PIGU: variants seen among roughly 807,000 people sequenced by gnomAD.
PIGU encodes the protein phosphatidylinositol glycan anchor biosynthesis class U, also known as GPI-anchor transamidase component PIGU.
Under a neutral mutation model 49.9 loss-of-function variants are expected in PIGU, and 24 were observed. The observed-to-expected ratio is 0.48, with a 90% CI of 0.35 to 0.68. The LOEUF is 0.68. Among genes scored for constraint, PIGU ranks in the 30% least tolerant of loss-of-function variants. The probability of loss-of-function intolerance (pLI) is 0.01; values close to 1 mark genes in which losing one functional copy is unlikely to be tolerated. For missense variants in PIGU, 490 were observed against 532.6 expected (o/e 0.92, Z 0.79); for synonymous variants, 220 against 205.7 (o/e 1.07, Z -0.59).
intron 4 of PIGU, among the ~76,000 whole-genome samples, chr20:34,640,376 A>C (rs1266853729): frequency 6.6e-6 from 1 of 152,178 alleles, no homozygotes; most frequent in Non-Finnish European, 1.5e-5. Flanking sequence ...TCATAGGCCC[A>C]ATATCAGCTC....
At chr20:34,573,416 G>A (rs892192516) in intron 11 of PIGU, among the ~76,000 whole-genome samples, 1 of 152,110 alleles carries the variant, frequency 6.6e-6, no homozygotes, top group Non-Finnish European at 1.5e-5. Flanking sequence ...ACAACCCCCT[G>A]TGCTGCTTTA....
intron 2 of PIGU, among the ~76,000 whole-genome samples, chr20:34,646,609 A>G (rs1224447691): frequency 6.6e-6 from 1 of 151,776 alleles, no homozygotes; most frequent in South Asian, 2.1e-4. Flanking sequence ...GGGTTTCACC[A>G]TGTTGGCCAG....
At chr20:34,652,127 G>C (rs1420936051) in intron 2 of PIGU, among the ~76,000 whole-genome samples, 4 of 152,134 alleles carry the variant, frequency 2.6e-5, no homozygotes, top group Admixed American at 2.6e-4. Context: ...AGCCTCCTGA[G>C]TAACTACAAC....
At chr20:34,637,734 C>T in intron 5 of PIGU, 142 bp downstream of exon 5, 1 of 1,468,390 alleles carries the variant, frequency 6.8e-7, no homozygotes, top group Non-Finnish European at 9.0e-7. Flanking sequence ...ACAACAGAGC[C>T]CAGTTGTGCA....
At chr20:34,585,280 G>A (rs960009337) in intron 9 of PIGU, among the ~76,000 whole-genome samples, 157 bp downstream of exon 9, 15 of 152,246 alleles carry the variant, frequency 9.9e-5, no homozygotes, top group African/African-American at 1.7e-4. Flanking sequence ...CTGCTATGGC[G>A]CTGGCAACTG....
chr20:34,627,441 G>A (rs2146752357), intron 6 of PIGU, among the ~76,000 whole-genome samples: 1 of 151,662 alleles, frequency 6.6e-6, no homozygotes, highest in Non-Finnish European at 1.5e-5. Flanking sequence ...AGTCTGGAGT[G>A]ATATAAAATT....
chr20:34,590,223 C>T (rs1983899985), intron 7 of PIGU, among the ~76,000 whole-genome samples: 1 of 151,944 alleles, frequency 6.6e-6, no homozygotes, highest in Non-Finnish European at 1.5e-5. Context: ...TTAAACAAAT[C>T]ACAATCAATT....
rs59998699 is a variant in PIGU at position 34,650,700 on chromosome 20, C to CTTTTTTTTTTTTTTTTTTT, written c.196-5385_196-5367dup. Among the ~76,000 whole-genome samples, 82 of 38,796 alleles carry CTTTTTTTTTTTTTTTTTTT rather than the reference C, an allele frequency of 2.1e-3. 22 individuals are homozygous for CTTTTTTTTTTTTTTTTTTT. The highest frequency in any genetic ancestry group is 2.2e-3 in the South Asian group (2 of 904). 25.5% of individuals were successfully genotyped at this position (38,796 alleles called of 152,430 possible). A position where few individuals can be genotyped will look rare whatever the true frequency, so the allele number is the denominator to read the frequency against. On this transcript the variant is annotated intron_variant, in intron 2 of 11. Coordinates refer to ENST00000217446, the MANE Select transcript of PIGU (RefSeq NM_080476.5). ...AATTTTTTTCCTTTTCTTTTTTTCT[C>CTTTTTTTTTTTTTTTTTTT]TTTTTTTTTTTTTTTTTTTTTTTTT...
intron 1 of PIGU, among the ~76,000 whole-genome samples, chr20:34,674,935 C>A (rs1987447104): frequency 8.5e-6 from 1 of 118,042 alleles, no homozygotes; most frequent in Non-Finnish European, 1.7e-5. Flanking sequence ...GAGTGAGACC[C>A]TGTCTCTTGA....
At chr20:34,647,186 G>A (rs180737204) in intron 2 of PIGU, among the ~76,000 whole-genome samples, 5 of 152,134 alleles carry the variant, frequency 3.3e-5, no homozygotes, top group African/African-American at 1.2e-4. Context: ...GGTCAGGCTA[G>A]TCTTGAACTC....
chr20:34,606,997 G>T (rs1174926353), intron 7 of PIGU, among the ~76,000 whole-genome samples: 1 of 152,208 alleles, frequency 6.6e-6, no homozygotes, highest in Non-Finnish European at 1.5e-5. Flanking sequence ...CTGACCTCGT[G>T]ATCCACCCGC....
intron 7 of PIGU, among the ~76,000 whole-genome samples, chr20:34,614,625 C>CAAAAAAAAA: frequency 8.8e-6 from 1 of 113,942 alleles, no homozygotes; most frequent in Non-Finnish European, 1.9e-5. Context: ...GACCTGCTCT[C>CAAAAAAAAA]AAAAAAAAAA....
intron 7 of PIGU, among the ~76,000 whole-genome samples, chr20:34,589,422 C>T (rs965674622): frequency 2.1e-4 from 32 of 152,336 alleles, no homozygotes; most frequent in African/African-American, 7.5e-4. Flanking sequence ...GGCACGATCT[C>T]GGCTCACTGC....
intron 6 of PIGU, among the ~76,000 whole-genome samples, chr20:34,627,342 C>T (rs1483347887): frequency 6.6e-6 from 1 of 151,934 alleles, no homozygotes; most frequent in African/African-American, 2.4e-5. Flanking sequence ...TGACCAATGT[C>T]AGACATGATT....
Position 34,575,005 on chromosome 20 carries a change from T to G in PIGU, c.1194+99A>C. 4 of 1,494,164 alleles carry G rather than the reference T, an allele frequency of 2.7e-6. No homozygotes were observed. The South Asian group carries it at 5.0e-5, about 19-fold the overall frequency. 92.6% of individuals were successfully genotyped at this position (1,494,164 alleles called of 1,614,324 possible). On this transcript the variant is annotated intron_variant, in intron 11 of 11. Transcript: ENST00000217446. ...GGAGTAACTGTGCCTCCTTCACGTC[T>G]GCACCCCCCGGTATGCAGAATCCAA...
At chr20:34,656,896 A>T (rs1986721949) in intron 2 of PIGU, among the ~76,000 whole-genome samples, 1 of 152,176 alleles carries the variant, frequency 6.6e-6, no homozygotes, top group African/African-American at 2.4e-5. Flanking sequence ...TTAGCATACA[A>T]CCTATTTGCG....
At chr20:34,622,392 A>G (rs1180801093) in intron 6 of PIGU, among the ~76,000 whole-genome samples, 1 of 151,798 alleles carries the variant, frequency 6.6e-6, no homozygotes, top group Admixed American at 6.6e-5. Context: ...TGGCGGGCGC[A>G]TGTAGTCCCA....
chr20:34,638,954 G>C (rs1236965650), intron 4 of PIGU, among the ~76,000 whole-genome samples: 9 of 152,198 alleles, frequency 5.9e-5, no homozygotes, highest in Non-Finnish European at 1.5e-5. Context: ...TAAAATCAAT[G>C]CTGCTATCTA....
At chr20:34,593,152 C>G (rs1385462599) in intron 7 of PIGU, among the ~76,000 whole-genome samples, 1 of 152,006 alleles carries the variant, frequency 6.6e-6, no homozygotes, top group Non-Finnish European at 1.5e-5. Context: ...GCCTGAGCAA[C>G]ATGGCGAAAC....
Sources: gnomAD v4.1 joint callset for allele counts (sites outside exome capture counted in the v4.1 genomes callset) on GRCh38, gnomAD v4.1.1 for gene constraint, MANE v1.5 for transcripts, NCBI Gene and HGNC (gene_info 2026-07-23, HGNC 2026-07-21) for gene names.